The following STX2 variants were observed in gnomAD, a reference collection of about 807,000 sequenced individuals.
The protein encoded by STX2 is syntaxin-2.
In STX2, 27 loss-of-function variants were observed where a neutral mutation model predicts 40.6. The observed-to-expected ratio is 0.66, with a 90% CI of 0.49 to 0.92. STX2 has a LOEUF of 0.92. STX2 is among the 40% of genes least tolerant of loss of function. The pLI is 0.00. For missense variants in STX2, 328 were observed against 366.1 expected (o/e 0.90, Z 0.85); for synonymous variants, 123 against 119.1 (o/e 1.03, Z -0.22).
chr12:130,818,184 AAATATATAT>A (rs1436077300), intron 3 of STX2, among the ~76,000 whole-genome samples: 1,266 of 37,238 alleles, frequency 0.034, 25 homozygotes, highest in Admixed American at 0.12. Context: ...AAAAAAAAAA[AAATATATAT>A]ATATATATAT....
intron 1 of STX2, among the ~76,000 whole-genome samples, chr12:130,836,282 T>C (rs1410059947): frequency 1.3e-5 from 2 of 152,218 alleles, no homozygotes; most frequent in Non-Finnish European, 2.9e-5. Context: ...TTTCTCTTTT[T>C]TTGAGACAGG....
At chr12:130,796,231 C>T (rs766242307) in intron 9 of STX2, 111 bp from the exon 10 acceptor site, 96 of 1,374,482 alleles carry the variant, frequency 7.0e-5, no homozygotes, top group Non-Finnish European at 8.6e-5. Context: ...TGGTGGCTCA[C>T]GCCTGTAATC....
At chr12:130,827,290 C>T (rs764272952) in intron 1 of STX2, 23 bp from the exon 2 acceptor site, 1 of 1,606,396 alleles carries the variant, frequency 6.2e-7, no homozygotes, top group African/African-American at 1.3e-5. Flanking sequence ...ATGGAAAATT[C>T]AGTTTTTTAA....
chr12:130,837,135 TCTCA>T (rs1707533016), intron 1 of STX2, among the ~76,000 whole-genome samples: 2 of 150,884 alleles, frequency 1.3e-5, no homozygotes, highest in African/African-American at 4.9e-5. Context: ...TGAGACAATG[TCTCA>T]CTCTGTCACC....
At chr12:130,802,068 G>A (rs1396547631) in intron 6 of STX2, among the ~76,000 whole-genome samples, 1 of 152,210 alleles carries the variant, frequency 6.6e-6, no homozygotes, top group Admixed American at 6.5e-5. Context: ...CTAATAAGCA[G>A]CATTATTCAT....
Position 130,839,058 on chromosome 12 carries a change from G to A in STX2, c.30+12C>T. 3 of 1,342,466 alleles carry A rather than the reference G, an allele frequency of 2.2e-6. No homozygotes were observed. Among genetic ancestry groups the A allele is most frequent in the Non-Finnish European group, 2.9e-6 (3 of 1,044,286 alleles). The allele number at this position is 1,342,466 out of a possible 1,614,324, so 83.2% of individuals were successfully genotyped here. On this transcript the variant is annotated intron_variant, in intron 1 of 10. Coordinates refer to ENST00000392373, the MANE Select transcript of STX2 (RefSeq NM_194356.4). Reference sequence around the variant, plus strand: ...GGCCGGGCCTGAACCGCTACCCGCGGCTGCCGCTCACCGCCGTCAGGTCTG... The same window carrying A: ...GGCCGGGCCTGAACCGCTACCCGCGACTGCCGCTCACCGCCGTCAGGTCTG...
intron 4 of STX2, among the ~76,000 whole-genome samples, chr12:130,809,927 C>T (rs1951585610): frequency 6.6e-6 from 1 of 152,172 alleles, no homozygotes; most frequent in African/African-American, 2.4e-5. Context: ...CGGGGGATCA[C>T]TTCAGCCTAG....
intron 2 of STX2, among the ~76,000 whole-genome samples, chr12:130,823,133 T>C (rs1244146659): frequency 6.6e-6 from 1 of 151,704 alleles, no homozygotes; most frequent in Non-Finnish European, 1.5e-5. Flanking sequence ...GAGACCCCCA[T>C]CTCTACAAAA....
At chr12:130,803,638 G>A (rs901378466) in intron 6 of STX2, among the ~76,000 whole-genome samples, 3 of 131,138 alleles carry the variant, frequency 2.3e-5, no homozygotes, top group Middle Eastern at 9.8e-3. Context: ...CTGCACTCCA[G>A]CCTGGGTGAC....
At chr12:130,810,971 G>C (rs987198664) in intron 4 of STX2, 9 of 152,192 alleles carry the variant, frequency 5.9e-5, no homozygotes, top group African/African-American at 2.2e-4. Context: ...GCTGTCCTCT[G>C]TATTTACTGT....
At chr12:130,834,630 A>G (rs1328183326) in intron 1 of STX2, among the ~76,000 whole-genome samples, 1 of 152,190 alleles carries the variant, frequency 6.6e-6, no homozygotes, top group African/African-American at 2.4e-5. Flanking sequence ...AAACATATAG[A>G]TTTTGCTCTT....
intron 1 of STX2, among the ~76,000 whole-genome samples, chr12:130,832,585 C>T (rs546239115): frequency 9.3e-5 from 14 of 149,978 alleles, no homozygotes; most frequent in African/African-American, 3.6e-4. Flanking sequence ...CAAGGGCCCA[C>T]CACATGATCT....
At chr12:130,818,655 A>AGATGGAGACGATGGAGACGATGGAGAC (rs11283385) in intron 3 of STX2, among the ~76,000 whole-genome samples, 1 of 151,494 alleles carries the variant, frequency 6.6e-6, no homozygotes, top group Non-Finnish European at 1.5e-5. Context: ...GCGGCGCTGG[A>AGATGGAGACGATGGAGACGATGGAGAC]GATGGAGACG....
chr12:130,830,439 C>A (rs1446556734), intron 1 of STX2, among the ~76,000 whole-genome samples: 1 of 152,124 alleles, frequency 6.6e-6, no homozygotes, highest in East Asian at 1.9e-4. Flanking sequence ...TGGCGTCAAT[C>A]CTCCTCCACT....
In STX2 at chr12:130,790,852, A is replaced by G. The variant is rs1950859178; in HGVS notation, c.*1171T>C. On this transcript the variant is annotated 3_prime_UTR_variant, in exon 11 of 11. Coordinates refer to ENST00000392373, the MANE Select transcript of STX2 (RefSeq NM_194356.4). ...TTATCCTGGGGGAGGGAACAGGCGG[A>G]AACGGAGCTGAGGCCGAGGCTTTTC... 1 of 152,656 alleles carries G rather than the reference A, an allele frequency of 6.6e-6. No homozygotes were observed. Among genetic ancestry groups the G allele is most frequent in the South Asian group, 2.1e-4 (1 of 4,830 alleles). The allele number at this position is 152,656 out of a possible 1,614,324, so 9.5% of individuals were successfully genotyped here. A position where few individuals can be genotyped will look rare whatever the true frequency, so the allele number is the denominator to read the frequency against.
chr12:130,825,595 T>G (rs879383510), intron 2 of STX2, among the ~76,000 whole-genome samples: 2 of 152,226 alleles, frequency 1.3e-5, no homozygotes, highest in Admixed American at 1.3e-4. Flanking sequence ...AGCTAACAAT[T>G]TAATCTCATG....
rs1950885700 is a variant in STX2 at position 130,791,862 on chromosome 12, C to G, written c.*161G>C. The stretch of plus-strand genomic sequence containing the variant: ...ATGCTGATTTGGTTGCAGATGTGGT[C>G]TGAGTCTCAAGGATAAATGGCTCTT... On this transcript the variant is annotated 3_prime_UTR_variant, in exon 11 of 11. Coordinates refer to ENST00000392373, the MANE Select transcript of STX2 (RefSeq NM_194356.4). The G allele has an allele frequency of 6.4e-7, 1 of 1,571,094 alleles. No individual in the cohort carries two copies. Among genetic ancestry groups the G allele is most frequent in the Admixed American group, 1.7e-5 (1 of 58,688 alleles).
intron 3 of STX2, among the ~76,000 whole-genome samples, chr12:130,818,335 C>G (rs1424762609): frequency 6.7e-6 from 1 of 149,158 alleles, no homozygotes; most frequent in African/African-American, 2.5e-5. Flanking sequence ...TGAGATCACG[C>G]AGCTGCACTC....
chr12:130,803,346 A>G (rs1951298567), intron 6 of STX2, among the ~76,000 whole-genome samples: 1 of 152,222 alleles, frequency 6.6e-6, no homozygotes, highest in South Asian at 2.1e-4. Context: ...ACAAAAAATA[A>G]AATAAAACTT....
Sources: gnomAD v4.1 joint callset for allele counts (sites outside exome capture counted in the v4.1 genomes callset) on GRCh38, gnomAD v4.1.1 for gene constraint, MANE v1.5 for transcripts, NCBI Gene and HGNC (gene_info 2026-07-23, HGNC 2026-07-21) for gene names.